The following JCAD variants were observed in gnomAD, a reference collection of about 807,000 sequenced individuals.
JCAD encodes the protein junctional cadherin 5-associated protein.
JCAD carries 40 observed loss-of-function variants against 98.0 expected under a neutral mutation model. The observed-to-expected ratio is 0.41, with a 90% CI of 0.32 to 0.53. The LOEUF (loss-of-function observed/expected upper bound fraction) is 0.53. Among genes scored for constraint, JCAD ranks in the 20% least tolerant of loss-of-function variants. The pLI, the probability that JCAD is intolerant of heterozygous loss-of-function variation, is 0.31. For synonymous variants in JCAD, 691 were observed against 682.3 expected (o/e 1.01, Z -0.20); for missense variants, 1,705 against 1,738.1 (o/e 0.98, Z 0.34).
At chr10:30,038,702 A>AAAAAAAG (rs1554796973) in intron 2 of JCAD, among the ~76,000 whole-genome samples, 1 of 150,572 alleles carries the variant, frequency 6.6e-6, no homozygotes, top group African/African-American at 2.4e-5. Flanking sequence ...AAAAAAAAAA[A>AAAAAAAG]AAAGAAAGAA....
intron 1 of JCAD, among the ~76,000 whole-genome samples, chr10:30,072,858 G>T (rs1046449995): frequency 6.6e-6 from 1 of 152,078 alleles, no homozygotes; most frequent in Non-Finnish European, 1.5e-5. Context: ...CACTATGTTG[G>T]CCAGGCTGAT....
chr10:30,026,123 T>G lies in JCAD; in HGVS notation c.4025A>C (p.Asp1342Ala). ...HPAAQKEKSM[D>A]QDFWCPDSYD... ...CTCACCTGGGCACCAGAAGTCTTGA[T>G]CCATGCTCTTCTCCTTTTGTGCTGC... The change falls in exon 3 of 4, where the codon GAT becomes GCT. Residue 1342 changes from aspartate (D) to alanine (A), a missense_variant. Coordinates refer to ENST00000375377, the MANE Select transcript of JCAD (RefSeq NM_020848.4). The G allele has an allele frequency of 1.2e-6, 2 of 1,614,206 alleles. No homozygotes were observed. The highest frequency in any genetic ancestry group is 1.7e-5 in the Admixed American group (1 of 60,034).
In JCAD at chr10:30,028,488, T is replaced by C. The variant is rs201339774; in HGVS notation, c.1660A>G (p.Thr554Ala). Residue 554 changes from threonine (T) to alanine (A), a missense_variant, in exon 3 of 4, where the codon ACT becomes GCT. Coordinates refer to ENST00000375377, the MANE Select transcript of JCAD (RefSeq NM_020848.4). ...PYSQGESTCE[T>A]QTKLKKFQTG... Reference sequence around the variant, plus strand: ...TGGAACTTTTTGAGCTTGGTTTGAGTTTCGCAGGTGCTCTCGCCCTGTGAG... The same window carrying C: ...TGGAACTTTTTGAGCTTGGTTTGAGCTTCGCAGGTGCTCTCGCCCTGTGAG... 5.5e-4 allele frequency: 891 copies of C among 1,614,126 alleles called. No homozygotes were observed. Among genetic ancestry groups the C allele is most frequent in the Non-Finnish European group, 7.2e-4 (855 of 1,180,060 alleles).
At chr10:30,049,151 G>A (rs1281225300) in intron 1 of JCAD, among the ~76,000 whole-genome samples, 1 of 152,160 alleles carries the variant, frequency 6.6e-6, no homozygotes, top group Non-Finnish European at 1.5e-5. Context: ...GGCGTAAGAC[G>A]GATTGGTCAG....
intron 1 of JCAD, among the ~76,000 whole-genome samples, chr10:30,048,904 G>T (rs1837412076): frequency 6.6e-6 from 1 of 152,082 alleles, no homozygotes; most frequent in African/African-American, 2.4e-5. Context: ...TTTCTTCCCA[G>T]TAGATCTTGG....
chr10:30,104,625 T>C (rs1838535389), intron 1 of JCAD, among the ~76,000 whole-genome samples: 2 of 152,110 alleles, frequency 1.3e-5, no homozygotes, highest in Non-Finnish European at 2.9e-5. Flanking sequence ...GGTACTATGC[T>C]CACTACTTGG....
At chr10:30,079,263 C>T (rs1014884736) in intron 1 of JCAD, among the ~76,000 whole-genome samples, 1 of 145,982 alleles carries the variant, frequency 6.9e-6, no homozygotes, top group African/African-American at 2.5e-5. Context: ...AAGAGAATGG[C>T]GTGAATCCGG....
At chr10:30,107,877 A>G (rs1838614556) in intron 1 of JCAD, among the ~76,000 whole-genome samples, 1 of 152,250 alleles carries the variant, frequency 6.6e-6, no homozygotes, top group Non-Finnish European at 1.5e-5. Flanking sequence ...CAATTGCCTA[A>G]AGAACAGCTA....
At chr10:30,107,352 C>T (rs555908649) in intron 1 of JCAD, among the ~76,000 whole-genome samples, 1 of 152,314 alleles carries the variant, frequency 6.6e-6, no homozygotes, top group Non-Finnish European at 1.5e-5. Context: ...CTCTCGTCAT[C>T]CTTGCTGCTC....
intron 1 of JCAD, among the ~76,000 whole-genome samples, chr10:30,094,375 G>T (rs1387449864): frequency 3.9e-5 from 6 of 152,130 alleles, no homozygotes; most frequent in Admixed American, 6.5e-5. Context: ...CACGATCCCG[G>T]GAGGCGGGAG....
At position 30,039,434 on chromosome 10, in the gene JCAD, C is replaced by A. The variant is rs189536920; in HGVS notation, c.281+8098G>T. ...CCGGCCTCGGCTTCTGATGCCTCATCTGTACTGCAGGGACAGAATCCTTCC... is the reference window on the plus strand; with the variant it reads ...CCGGCCTCGGCTTCTGATGCCTCATATGTACTGCAGGGACAGAATCCTTCC... On this transcript the variant is annotated intron_variant, in intron 2 of 3. Transcript: ENST00000375377. Among the ~76,000 whole-genome samples, 359 of 152,348 alleles carry A rather than the reference C, an allele frequency of 2.4e-3. 3 individuals are homozygous for A. The highest frequency in any genetic ancestry group is 8.3e-3 in the African/African-American group (347 of 41,574).
At position 30,059,427 on chromosome 10, in the gene JCAD, T is replaced by C. The variant is rs1250232182; in HGVS notation, c.-60+55A>G. ...TGCGGGTGAGGCCCGCGAAGCGCCG[T>C]GGGAGCGGCCCTAATGGACGGTGGG... On this transcript the variant is annotated intron_variant, in intron 1 of 3. Coordinates refer to ENST00000375377, the MANE Select transcript of JCAD (RefSeq NM_020848.4). The surrounding 1 kb of genome is among the most constrained non-coding windows in gnomAD (Gnocchi z 5.0). 1 of 151,496 alleles carries C rather than the reference T, an allele frequency of 6.6e-6. No individual in the cohort carries two copies. Among genetic ancestry groups the C allele is most frequent in the African/African-American group, 2.4e-5 (1 of 41,322 alleles). 9.4% of individuals were successfully genotyped at this position (151,496 alleles called of 1,614,324 possible).
chr10:30,102,291 C>T lies in JCAD; in HGVS notation n.128+13076G>A, dbSNP rs1395421717. On this transcript the variant is annotated intron_variant and non_coding_transcript_variant, in intron 1 of 2. Transcript: ENST00000465712. Reference sequence around the variant, plus strand: ...TCAAGCAATTCTCCTGCCTCAGCCTCCCAATTAGCTGGGATCACAGTGGGT... The same window carrying T: ...TCAAGCAATTCTCCTGCCTCAGCCTTCCAATTAGCTGGGATCACAGTGGGT... 2.0e-5 allele frequency among the ~76,000 whole-genome samples: 3 copies of T among 152,150 alleles called. No individual in the cohort carries two copies. In the East Asian group the frequency reaches 5.8e-4, roughly 29 times the overall value.
intron 3 of JCAD, among the ~76,000 whole-genome samples, chr10:30,019,814 A>G (rs1037712348): frequency 1.3e-5 from 2 of 152,124 alleles, no homozygotes; most frequent in Non-Finnish European, 2.9e-5. Flanking sequence ...GAAGATGACT[A>G]TGTTAACTGC....
chr10:30,069,345 C>A lies in JCAD; in HGVS notation n.250+355G>T, dbSNP rs190223853. The stretch of plus-strand genomic sequence containing the variant: ...AGGCACAGTGGCTCATACCTGTAAT[C>A]CCAACATTTTGGGAGGATGAGGCAG... On this transcript the variant is annotated intron_variant and non_coding_transcript_variant, in intron 2 of 2. Transcript: ENST00000465712. Among the ~76,000 whole-genome samples, 544 of 151,494 alleles carry A rather than the reference C, an allele frequency of 3.6e-3. 5 individuals are homozygous for A. In the South Asian group the frequency reaches 0.04, roughly 11 times the overall value.
intron 3 of JCAD, among the ~76,000 whole-genome samples, chr10:30,022,416 T>C (rs576596057): frequency 0.018 from 1,050 of 58,378 alleles, 6 homozygotes; most frequent in Middle Eastern, 0.12. Flanking sequence ...TGAGGATTCT[T>C]ATGTTTAAAA....
At chr10:30,050,147 TCTA>T (rs1837438122) in intron 1 of JCAD, among the ~76,000 whole-genome samples, 1 of 151,198 alleles carries the variant, frequency 6.6e-6, no homozygotes, top group Admixed American at 6.6e-5. Context: ...AGAGCCTGTC[TCTA>T]CTAAAAATAC....
Position 30,017,659 on chromosome 10 carries a change from T to C in JCAD, c.*224A>G. On this transcript the variant is annotated 3_prime_UTR_variant, in exon 4 of 4. Transcript: ENST00000375377. ...CCTAATTATAGGCATTAAATCTTCA[T>C]GCTATAAAAACAGATGGTTTCAACG... is the stretch of plus-strand genomic sequence containing the variant. 3.3e-6 allele frequency: 2 copies of C among 602,728 alleles called. No individual in the cohort carries two copies. The highest frequency in any genetic ancestry group is 5.8e-6 in the Non-Finnish European group (2 of 343,654). The allele number at this position is 602,728 out of a possible 1,614,324, so 37.3% of individuals were successfully genotyped here.
chr10:30,038,834 G>A (rs1589688225), intron 2 of JCAD, among the ~76,000 whole-genome samples: 1 of 152,104 alleles, frequency 6.6e-6, no homozygotes, highest in Non-Finnish European at 1.5e-5. Context: ...ACAATAACCT[G>A]GAGAAAAGGT....
Sources: allele counts gnomAD v4.1 joint callset (sites outside exome capture counted in the v4.1 genomes callset), GRCh38; gene constraint gnomAD v4.1.1; non-coding constraint Gnocchi (gnomAD v3.1); transcripts MANE v1.5; gene names NCBI Gene and HGNC (gene_info 2026-07-23, HGNC 2026-07-21).